The following LRMDA variants were observed in gnomAD, a reference collection of about 807,000 sequenced individuals.
LRMDA encodes leucine rich melanocyte differentiation associated, also known as leucine-rich melanocyte differentiation-associated protein.
Under a neutral mutation model 29.8 loss-of-function variants are expected in LRMDA, and 18 were observed. The ratio of observed to expected loss-of-function variants is 0.60; its 90% confidence interval spans 0.42 to 0.90. LRMDA has a LOEUF of 0.90. Ranked by LOEUF, LRMDA falls within the 40% of genes least tolerant of loss-of-function variation. LRMDA has a pLI of 0.00. For missense variants in LRMDA, 273 were observed against 273.9 expected, an observed-to-expected ratio of 1.00 and a Z score of 0.02; for synonymous variants, 125 against 109.4, an observed-to-expected ratio of 1.14 and a Z score of -0.89.
At chr10:75,909,550 A>C (rs960225378) in intron 2 of LRMDA, among the ~76,000 whole-genome samples, 1 of 151,978 alleles carries the variant, frequency 6.6e-6, no homozygotes, top group African/African-American at 2.4e-5. Context: ...GGTACATGGT[A>C]GCTCTGTTTT....
At chr10:76,296,138 C>T (rs1840409175) in intron 5 of LRMDA, among the ~76,000 whole-genome samples, 1 of 152,182 alleles carries the variant, frequency 6.6e-6, no homozygotes, top group African/African-American at 2.4e-5. Flanking sequence ...TTGGCTTCAT[C>T]AGCACAAGGT....
chr10:76,280,126 C>T (rs528067886), intron 5 of LRMDA, among the ~76,000 whole-genome samples: 75 of 152,272 alleles, frequency 4.9e-4, no homozygotes, highest in African/African-American at 1.5e-3. Flanking sequence ...TCCAGGGACA[C>T]GTAGAGCCAA....
At chr10:76,147,268 C>T (rs927627536) in intron 5 of LRMDA, among the ~76,000 whole-genome samples, 1 of 152,126 alleles carries the variant, frequency 6.6e-6, no homozygotes, top group African/African-American at 2.4e-5. Context: ...TGGATAATAT[C>T]CTGCAGAGTG....
chr10:76,314,433 G>T (rs1211206458), intron 5 of LRMDA, among the ~76,000 whole-genome samples: 1 of 152,118 alleles, frequency 6.6e-6, no homozygotes, highest in Non-Finnish European at 1.5e-5. Flanking sequence ...TTTAAGTTTA[G>T]CAAATAAGCA....
intron 5 of LRMDA, among the ~76,000 whole-genome samples, chr10:76,231,841 CAGTT>C (rs1355326348): frequency 3.3e-5 from 5 of 152,180 alleles, no homozygotes; most frequent in African/African-American, 1.2e-4. Context: ...ATCTCACACA[CAGTT>C]AGTTTGAGAT....
chr10:76,161,907 G>C (rs1195308279), intron 5 of LRMDA, among the ~76,000 whole-genome samples: 1 of 152,098 alleles, frequency 6.6e-6, no homozygotes, highest in Admixed American at 6.5e-5. Context: ...TTAAATAGTG[G>C]GTGAGCTTTA....
intron 2 of LRMDA, among the ~76,000 whole-genome samples, chr10:75,615,406 G>A (rs559815037): frequency 2.2e-4 from 33 of 152,192 alleles, no homozygotes; most frequent in Middle Eastern, 3.4e-3. Context: ...GTGAAAATCC[G>A]AAATCCAAAA....
In LRMDA at chr10:75,850,505, G is replaced by T. The variant is rs188826921; in HGVS notation, c.132-185503G>T. ...TTTTTAAGCTCCCAAGAATTACTGG[G>T]TGGGTAAGAATCTAGTGTTTTTCTG... On this transcript the variant is annotated intron_variant, in intron 2 of 6. Coordinates refer to ENST00000611255, the MANE Select transcript of LRMDA (RefSeq NM_001305581.2). Among the ~76,000 whole-genome samples the T allele has an allele frequency of 2.0e-5, 3 of 152,264 alleles. No homozygotes were observed. The East Asian group carries it at 5.8e-4, about 29-fold the overall frequency.
chr10:75,809,402 G>A (rs1326358912), intron 2 of LRMDA, among the ~76,000 whole-genome samples: 1 of 152,196 alleles, frequency 6.6e-6, no homozygotes, highest in East Asian at 1.9e-4. Context: ...CCAGCACTTT[G>A]TGAGGCTGAG....
chr10:75,699,798 T>A (rs1440778640), intron 2 of LRMDA, among the ~76,000 whole-genome samples: 1 of 152,148 alleles, frequency 6.6e-6, no homozygotes, highest in Admixed American at 6.5e-5. Context: ...GGTTAAAGAT[T>A]TTGAGATGGG....
chr10:76,068,892 G>A (rs1329767494), intron 5 of LRMDA, among the ~76,000 whole-genome samples: 1 of 152,210 alleles, frequency 6.6e-6, no homozygotes, highest in Non-Finnish European at 1.5e-5. Context: ...CCACCACCCT[G>A]CAGACTCAGT....
intron 2 of LRMDA, among the ~76,000 whole-genome samples, chr10:75,878,768 C>T (rs565014646): frequency 1.3e-5 from 2 of 152,262 alleles, no homozygotes; most frequent in South Asian, 2.1e-4. Context: ...GTATCAAAGA[C>T]GGTACCAGGA....
intron 2 of LRMDA, among the ~76,000 whole-genome samples, chr10:75,952,209 TTA>T (rs1264328553): frequency 2.6e-5 from 4 of 152,216 alleles, no homozygotes; most frequent in African/African-American, 4.8e-5. Flanking sequence ...GCTCCTCGTT[TTA>T]TTTTCTTTCC....
intron 2 of LRMDA, among the ~76,000 whole-genome samples, chr10:75,468,175 G>A (rs561314174): frequency 9.1e-4 from 138 of 152,228 alleles, no homozygotes; most frequent in Middle Eastern, 3.4e-3. Context: ...GAGAGGTTGG[G>A]GCATTGATAA....
intron 6 of LRMDA, among the ~76,000 whole-genome samples, chr10:76,402,843 A>G (rs1267141965): frequency 1.3e-5 from 2 of 152,170 alleles, no homozygotes; most frequent in African/African-American, 4.8e-5. Context: ...GCTATTCTGC[A>G]TTCTTTAAAA....
chr10:76,050,078 T>C (rs1305873280), intron 4 of LRMDA, among the ~76,000 whole-genome samples: 2 of 152,232 alleles, frequency 1.3e-5, no homozygotes, highest in African/African-American at 4.8e-5. Context: ...TGTGGTTATG[T>C]GATGTAATAT....
chr10:75,597,211 G>A (rs543297902), intron 2 of LRMDA, among the ~76,000 whole-genome samples: 3 of 152,260 alleles, frequency 2.0e-5, no homozygotes, highest in Admixed American at 6.5e-5. Context: ...ATGACATCAT[G>A]TGGTCTGCTG....
intron 2 of LRMDA, among the ~76,000 whole-genome samples, chr10:75,957,897 G>A (rs1046119162): frequency 1.3e-5 from 2 of 152,110 alleles, no homozygotes; most frequent in Non-Finnish European, 2.9e-5. Flanking sequence ...CTGTGCTCGG[G>A]TTTGACCTCT....
At chr10:76,177,623 G>GA (rs1455971185) in intron 5 of LRMDA, among the ~76,000 whole-genome samples, 46 of 151,650 alleles carry the variant, frequency 3.0e-4, no homozygotes, top group African/African-American at 1.1e-3. Context: ...TTTCTAAGTA[G>GA]ATAAAAAAAA....
Sources: gnomAD v4.1 joint callset for allele counts (sites outside exome capture counted in the v4.1 genomes callset) on GRCh38, gnomAD v4.1.1 for gene constraint, MANE v1.5 for transcripts, NCBI Gene and HGNC (gene_info 2026-07-23, HGNC 2026-07-21) for gene names.